The following TRIM13 variants were observed in gnomAD, a reference collection of about 807,000 sequenced individuals.
TRIM13 encodes the protein tripartite motif containing 13.
Under a neutral mutation model 27.1 loss-of-function variants are expected in TRIM13, and 15 were observed. The observed-to-expected ratio is 0.55, with a 90% CI of 0.37 to 0.85. The LOEUF is 0.85. Among genes scored for constraint, TRIM13 ranks in the 40% least tolerant of loss-of-function variants. The pLI, the probability that TRIM13 is intolerant of heterozygous loss-of-function variation, is 0.00. For synonymous variants in TRIM13, 193 were observed against 171.5 expected (o/e 1.13, Z -0.98); for missense variants, 402 against 472.2 (o/e 0.85, Z 1.38).
At chr13:50,011,861 G>C in intron 1 of TRIM13, 74 bp from the exon 2 acceptor site, 2 of 1,465,272 alleles carry the variant, frequency 1.4e-6, no homozygotes, top group East Asian at 2.3e-5. Context: ...CGTGAAGGCA[G>C]ATTTCTTCTA....
At chr13:50,006,685 CTAAGT>C (rs1252547571) in intron 1 of TRIM13, among the ~76,000 whole-genome samples, 3 of 152,092 alleles carry the variant, frequency 2.0e-5, no homozygotes, top group Non-Finnish European at 4.4e-5. Flanking sequence ...AGAAGACAAA[CTAAGT>C]TGAGTCTTTA....
Position 50,012,780 on chromosome 13 carries a change from C to CT in TRIM13, c.843dup (p.Asp282Ter). 1 of 1,614,036 alleles carries CT rather than the reference C, an allele frequency of 6.2e-7. No homozygotes were observed. Among genetic ancestry groups the CT allele is most frequent in the Non-Finnish European group, 8.5e-7 (1 of 1,179,990 alleles). The stretch of plus-strand genomic sequence containing the variant: ...TGCCTGCAAGCCCTTTAATGAAGAA[C>CT]TTTGATACCAGTCAGTGGGAAGACA... On this transcript the variant is annotated frameshift_variant, in exon 2 of 2. Transcript: ENST00000378182. LOFTEE classifies it high-confidence loss of function.
Position 50,016,209 on chromosome 13 carries a change from G to A in TRIM13, c.*3045G>A, listed in dbSNP as rs1301111509. Reference sequence around the variant, plus strand: ...GTTTTGGGGTAACCAGTGGAGTTGGGTAGAATGACCAAATAATTATTTTCC... The same window carrying A: ...GTTTTGGGGTAACCAGTGGAGTTGGATAGAATGACCAAATAATTATTTTCC... On this transcript the variant is annotated 3_prime_UTR_variant, in exon 2 of 2. Coordinates refer to ENST00000378182, the MANE Select transcript of TRIM13 (RefSeq NM_213590.3). The A allele has an allele frequency of 7.8e-6, 5 of 638,266 alleles. No individual in the cohort carries two copies. Among genetic ancestry groups the A allele is most frequent in the South Asian group, 2.2e-5 (1 of 45,044 alleles). The allele number at this position is 638,266 out of a possible 1,614,324, so 39.5% of individuals were successfully genotyped here.
At chr13:50,008,912 C>T (rs1345005231) in intron 1 of TRIM13, among the ~76,000 whole-genome samples, 3 of 149,920 alleles carry the variant, frequency 2.0e-5, no homozygotes, top group Non-Finnish European at 4.4e-5. Flanking sequence ...GCCTGTAGTC[C>T]CAGCTACTTG....
intron 1 of TRIM13, among the ~76,000 whole-genome samples, chr13:50,007,974 G>A (rs1027244496): frequency 2.0e-5 from 3 of 151,080 alleles, no homozygotes; most frequent in African/African-American, 2.4e-5. Flanking sequence ...GCGCTGTCTC[G>A]GCTAACTGCA....
chr13:50,015,638 A>G lies in TRIM13; in HGVS notation c.*2474A>G, dbSNP rs1325643438. On this transcript the variant is annotated 3_prime_UTR_variant, in exon 2 of 2. Transcript: ENST00000378182. Reference sequence around the variant, plus strand: ...AGAATTCAAGATGGTTGGTGGCCAGATTTTTGTAGACAGAGATGGTGATTT... The same window carrying G: ...AGAATTCAAGATGGTTGGTGGCCAGGTTTTTGTAGACAGAGATGGTGATTT... 3.1e-6 allele frequency: 5 copies of G among 1,614,138 alleles called. No homozygotes were observed. In the East Asian group the frequency reaches 6.7e-5, roughly 22 times the overall value.
rs925520365 is a variant in TRIM13 at position 50,017,969 on chromosome 13, A to C, written c.*4805A>C. On this transcript the variant is annotated 3_prime_UTR_variant, in exon 2 of 2. Coordinates refer to ENST00000378182, the MANE Select transcript of TRIM13 (RefSeq NM_213590.3). Reference sequence around the variant, plus strand: ...TAACCTAGCAGGTTGCTCAGTTATTATCTCTCAAGGTCACAGTACTAGAAA... The same window carrying C: ...TAACCTAGCAGGTTGCTCAGTTATTCTCTCTCAAGGTCACAGTACTAGAAA... 1 of 167,036 alleles carries C rather than the reference A, an allele frequency of 6.0e-6. No individual in the cohort carries two copies. Among genetic ancestry groups the C allele is most frequent in the African/African-American group, 2.4e-5 (1 of 41,456 alleles). The allele number at this position is 167,036 out of a possible 1,614,324, so 10.3% of individuals were successfully genotyped here.
chr13:50,009,576 A>C (rs7983585), intron 1 of TRIM13, among the ~76,000 whole-genome samples: 13,288 of 151,980 alleles, frequency 0.087, 1,409 homozygotes, highest in East Asian at 0.53. Flanking sequence ...GTTTCTACTA[A>C]AAATACAAAA....
chr13:50,003,836 T>C (rs896868317), intron 1 of TRIM13, among the ~76,000 whole-genome samples: 1 of 152,228 alleles, frequency 6.6e-6, no homozygotes, highest in African/African-American at 2.4e-5. Flanking sequence ...TTTCATTGTA[T>C]GTAAATTTAA....
At chr13:50,005,001 A>G (rs535839575) in intron 1 of TRIM13, among the ~76,000 whole-genome samples, 75 of 151,622 alleles carry the variant, frequency 4.9e-4, no homozygotes, top group Non-Finnish European at 2.4e-4. Context: ...GCTTGAACCC[A>G]GGAGGCAGAG....
At chr13:50,003,306 G>C (rs1874278450) in intron 1 of TRIM13, among the ~76,000 whole-genome samples, 1 of 152,030 alleles carries the variant, frequency 6.6e-6, no homozygotes, top group African/African-American at 2.4e-5. Context: ...AAATCCTTAA[G>C]ATAAAAGCGT....
chr13:50,002,681 G>A (rs910543769), intron 1 of TRIM13, among the ~76,000 whole-genome samples: 3 of 145,458 alleles, frequency 2.1e-5, no homozygotes, highest in Admixed American at 6.9e-5. Context: ...TTTTCTTTTT[G>A]AGATGGAGTC....
Position 50,012,290 on chromosome 13 carries a change from G to C in TRIM13, c.350G>C (p.Cys117Ser). 6.2e-7 allele frequency: 1 copy of C among 1,614,138 alleles called. No individual in the cohort carries two copies. Among genetic ancestry groups the C allele is most frequent in the Non-Finnish European group, 8.5e-7 (1 of 1,180,008 alleles). Residue 117 changes from cysteine (C) to serine (S), a missense_variant, in exon 2 of 2, where the codon TGT becomes TCT. Physicochemically the swap from Cys to Ser is moderately radical, Grantham distance 112. Around this residue, in one of 2 missense-constraint regions of TRIM13, gnomAD observed 202 missense variants for 277.5 expected, o/e 0.73. Coordinates refer to ENST00000378182, the MANE Select transcript of TRIM13 (RefSeq NM_213590.3). ...LTDMQLICGI[C>S]ATRGEHTKHV... ...GATATGCAGCTGATTTGTGGGATCT[G>C]TGCTACTCGTGGGGAGCACACCAAA... is the stretch of plus-strand genomic sequence containing the variant.
Position 50,015,092 on chromosome 13 carries a change from AAAATATATATAT to A in TRIM13, c.*1930_*1941del, listed in dbSNP as rs1876282810. On this transcript the variant is annotated 3_prime_UTR_variant, in exon 2 of 2. Transcript: ENST00000378182. Reference sequence around the variant, plus strand: ...CCCAGTAATAAAAAAAAAAAAAAAAAAAATATATATATATATATATATATATATATATATATA... The same window carrying A: ...CCCAGTAATAAAAAAAAAAAAAAAAAATATATATATATATATATATATATA... 1.2e-3 allele frequency: 27 copies of A among 23,420 alleles called. 1 individual carries two copies. The highest frequency in any genetic ancestry group is 5.1e-3 in the South Asian group (2 of 396). The allele number at this position is 23,420 out of a possible 1,614,324, so 1.5% of individuals were successfully genotyped here. A position where few individuals can be genotyped will look rare whatever the true frequency, so the allele number is the denominator to read the frequency against.
rs144559101 is a variant in TRIM13, at chr13:50,012,046, G to C, written c.106G>C (p.Gly36Arg). Residue 36 changes from glycine to arginine, a missense_variant, in exon 2 of 2, where the codon GGT becomes CGT. Around this residue, in one of 2 missense-constraint regions of TRIM13, gnomAD observed 202 missense variants for 277.5 expected, o/e 0.73. Transcript: ENST00000378182. The stretch of plus-strand genomic sequence containing the variant: ...CAACTTCTGCAAAAAATGCTTAGAA[G>C]GTATCTTAGAAGGGAGTGTGCGGAA... ...SHNFCKKCLE[G>R]ILEGSVRNSL... 14 of 1,613,898 alleles carry C rather than the reference G, an allele frequency of 8.7e-6. No individual in the cohort carries two copies. Among genetic ancestry groups the C allele is most frequent in the Non-Finnish European group, 1.1e-5 (13 of 1,180,000 alleles).
chr13:50,012,599 A>G lies in TRIM13; in HGVS notation c.659A>G (p.Asn220Ser). Reference protein sequence around the residue: ...AVMQAYDPEINKLNTILQEQR... With the variant: ...AVMQAYDPEISKLNTILQEQR... ...ATGCAAGCATATGACCCAGAGATCA[A>G]CAAACTCAACACCATCTTGCAGGAG... Residue 220 changes from asparagine (N) to serine (S), a missense_variant, in exon 2 of 2, where the codon AAC becomes AGC. Asn to Ser is a conservative substitution (Grantham distance 46). Coordinates refer to ENST00000378182, the MANE Select transcript of TRIM13 (RefSeq NM_213590.3). 1.9e-6 allele frequency: 3 copies of G among 1,614,186 alleles called. No individual in the cohort carries two copies. The highest frequency in any genetic ancestry group is 2.5e-6 in the Non-Finnish European group (3 of 1,180,020).
intron 1 of TRIM13, among the ~76,000 whole-genome samples, chr13:50,007,351 C>T (rs181620200): frequency 2.0e-5 from 3 of 150,078 alleles, no homozygotes; most frequent in Non-Finnish European, 4.4e-5. Context: ...ATTAGCCGGG[C>T]GTGGTGGCCG....
In TRIM13 at chr13:50,014,165, T is replaced by G. The variant is rs1290519974; in HGVS notation, c.*1001T>G. The stretch of plus-strand genomic sequence containing the variant: ...GTGGCTATGCAAGCAAAAGCATAGA[T>G]AGGTTAAAAAAAAGGATCAGCTGGC... On this transcript the variant is annotated 3_prime_UTR_variant, in exon 2 of 2. Transcript: ENST00000378182. 9.7e-5 allele frequency: 16 copies of G among 164,728 alleles called. No individual in the cohort carries two copies. The Admixed American group carries it at 1.1e-3, about 11-fold the overall frequency. 10.2% of individuals were successfully genotyped at this position (164,728 alleles called of 1,614,324 possible).
rs1873295545 is a variant in TRIM13, at chr13:49,997,047, C to T, written c.-723C>T. 1 of 116,674 alleles carries T rather than the reference C, an allele frequency of 8.6e-6. No individual in the cohort carries two copies. Among genetic ancestry groups the T allele is most frequent in the African/African-American group, 3.3e-5 (1 of 30,590 alleles). The allele number at this position is 116,674 out of a possible 1,614,324, so 7.2% of individuals were successfully genotyped here. On this transcript the variant is annotated 5_prime_UTR_variant, in exon 1 of 2. Coordinates refer to ENST00000378182, the MANE Select transcript of TRIM13 (RefSeq NM_213590.3). Reference sequence around the variant, plus strand: ...GCGGAGCTAGCCGGAGCCGCGAGTCCATTTTGGGGCTGTGCTTGGCGCGTA... The same window carrying T: ...GCGGAGCTAGCCGGAGCCGCGAGTCTATTTTGGGGCTGTGCTTGGCGCGTA...
Sources: gnomAD v4.1 joint callset for allele counts (sites outside exome capture counted in the v4.1 genomes callset) on GRCh38, gnomAD v4.1.1 for gene constraint, gnomAD v4.1.1 regional missense constraint, MANE v1.5 for transcripts, NCBI Gene and HGNC (gene_info 2026-07-23, HGNC 2026-07-21) for gene names.